The following SORCS2 variants were observed in gnomAD, a reference collection of about 807,000 sequenced individuals.
SORCS2 encodes the protein sortilin related VPS10 domain containing receptor 2, also known as VPS10 domain-containing receptor SorCS2.
SORCS2 carries 100 observed loss-of-function variants against 141.6 expected under a neutral mutation model. The ratio of observed to expected loss-of-function variants is 0.71; its 90% CI spans 0.60 to 0.83. The LOEUF is 0.83. SORCS2 is among the 40% of genes least tolerant of loss of function. SORCS2 has a pLI of 0.00. For missense variants in SORCS2, 1,646 were observed against 1,560.2 expected (o/e 1.05, Z -0.93); for synonymous variants, 789 against 676.9 (o/e 1.17, Z -2.57).
At chr4:7,501,565 T>C (rs1731978042) in intron 2 of SORCS2, among the ~76,000 whole-genome samples, 1 of 152,192 alleles carries the variant, frequency 6.6e-6, no homozygotes, top group African/African-American at 2.4e-5. Flanking sequence ...CTTTGCTTCA[T>C]GCCAAATACA....
chr4:7,550,878 C>CAA (rs1236512720), intron 3 of SORCS2, among the ~76,000 whole-genome samples: 2 of 152,196 alleles, frequency 1.3e-5, no homozygotes, highest in Non-Finnish European at 2.9e-5. Context: ...CTGTCTCACC[C>CAA]GCTCATCTGC....
intron 2 of SORCS2, among the ~76,000 whole-genome samples, chr4:7,504,593 T>G (rs770873358): frequency 6.6e-6 from 1 of 152,230 alleles, no homozygotes; most frequent in African/African-American, 2.4e-5. Flanking sequence ...CATCTGGCTC[T>G]GGACCCCAGG....
intron 3 of SORCS2, among the ~76,000 whole-genome samples, chr4:7,583,322 A>G (rs1716288400): frequency 6.6e-6 from 1 of 152,100 alleles, no homozygotes; most frequent in African/African-American, 2.4e-5. Context: ...TGCTCCAGAA[A>G]AGACCTTAAG....
intron 3 of SORCS2, among the ~76,000 whole-genome samples, chr4:7,547,697 G>T (rs571794110): frequency 2.0e-5 from 3 of 152,284 alleles, no homozygotes; most frequent in Admixed American, 2.0e-4. Flanking sequence ...CCAGTCACGG[G>T]ATCTCTGCTC....
intron 1 of SORCS2, among the ~76,000 whole-genome samples, chr4:7,328,316 A>G (rs1719417455): frequency 6.6e-6 from 1 of 151,626 alleles, no homozygotes; most frequent in Non-Finnish European, 1.5e-5. Context: ...GTTTACAGGC[A>G]TGAGCCACCG....
At chr4:7,447,911 C>T (rs534881297) in intron 2 of SORCS2, among the ~76,000 whole-genome samples, 57 of 152,150 alleles carry the variant, frequency 3.7e-4, no homozygotes, top group Admixed American at 1.5e-3. Context: ...CCCCTCCCTC[C>T]GCCCCTAGAT....
intron 2 of SORCS2, among the ~76,000 whole-genome samples, chr4:7,490,545 G>T (rs1731256621): frequency 6.6e-6 from 1 of 152,182 alleles, no homozygotes; most frequent in South Asian, 2.1e-4. Context: ...GGAGCTTAGA[G>T]ACCACCTTTC....
chr4:7,614,191 T>A (rs1718605200), intron 3 of SORCS2, among the ~76,000 whole-genome samples: 1 of 150,098 alleles, frequency 6.7e-6, no homozygotes, highest in Admixed American at 6.6e-5. Context: ...AATCCATTCA[T>A]CCATCCACCT....
At chr4:7,610,991 C>A (rs1298560250) in intron 3 of SORCS2, among the ~76,000 whole-genome samples, 1 of 152,198 alleles carries the variant, frequency 6.6e-6, no homozygotes, top group Non-Finnish European at 1.5e-5. Flanking sequence ...CTCCCGCACG[C>A]GTGCAGACAC....
At chr4:7,719,681 G>C (rs544058182) in intron 18 of SORCS2, among the ~76,000 whole-genome samples, 1 of 152,192 alleles carries the variant, frequency 6.6e-6, no homozygotes, top group African/African-American at 2.4e-5. Context: ...GTCCCGCTTG[G>C]ACCCTCAGAG....
At chr4:7,707,790 GA>G in intron 14 of SORCS2, among the ~76,000 whole-genome samples, 1 of 152,338 alleles carries the variant, frequency 6.6e-6, no homozygotes, top group South Asian at 2.1e-4. Flanking sequence ...CTGTGAGGAT[GA>G]CACAGGGGTG....
At chr4:7,672,609 C>T (rs780496055) in intron 8 of SORCS2, among the ~76,000 whole-genome samples, 1 of 151,650 alleles carries the variant, frequency 6.6e-6, no homozygotes, top group Non-Finnish European at 1.5e-5. Flanking sequence ...TGTAGATACC[C>T]TTTCTACCTG....
intron 1 of SORCS2, among the ~76,000 whole-genome samples, chr4:7,379,750 G>C (rs1009991212): frequency 2.6e-5 from 4 of 152,148 alleles, no homozygotes; most frequent in Admixed American, 2.0e-4. Context: ...GAAATATGTT[G>C]CTTTGTTTGT....
chr4:7,731,988 A>C (rs1365515093), intron 23 of SORCS2, among the ~76,000 whole-genome samples: 1 of 152,256 alleles, frequency 6.6e-6, no homozygotes, highest in Non-Finnish European at 1.5e-5. Flanking sequence ...CAGCCAGAGA[A>C]ACAATCAGTG....
intron 2 of SORCS2, among the ~76,000 whole-genome samples, chr4:7,509,636 A>T (rs1732491377): frequency 6.6e-6 from 1 of 152,222 alleles, no homozygotes; most frequent in Non-Finnish European, 1.5e-5. Context: ...ACCAGGAAGA[A>T]GGGGCCTTGT....
Position 7,738,102 on chromosome 4 carries a change from G to C in SORCS2, c.3415+930G>C, listed in dbSNP as rs554147249. On this transcript the variant is annotated intron_variant, in intron 26 of 26. Transcript: ENST00000507866. Reference sequence around the variant, plus strand: ...CTTGCCCTGTCCATGTTTGAGGGGAGGGGACACGGACTGCATCCCTCAGCC... The same window carrying C: ...CTTGCCCTGTCCATGTTTGAGGGGACGGGACACGGACTGCATCCCTCAGCC... Among the ~76,000 whole-genome samples, 843 of 152,366 alleles carry C rather than the reference G, an allele frequency of 5.5e-3. 5 individuals are homozygous for C. Among genetic ancestry groups the C allele is most frequent in the African/African-American group, 0.02 (813 of 41,596 alleles).
intron 2 of SORCS2, among the ~76,000 whole-genome samples, chr4:7,463,105 T>A (rs1206950120): frequency 6.6e-6 from 1 of 152,066 alleles, no homozygotes; most frequent in Non-Finnish European, 1.5e-5. Context: ...GTGAGGAAAC[T>A]GAGTCACTGT....
At chr4:7,630,164 T>TGGTG (rs767148079) in intron 3 of SORCS2, among the ~76,000 whole-genome samples, 4 of 152,132 alleles carry the variant, frequency 2.6e-5, no homozygotes, top group East Asian at 3.9e-4. Context: ...TGTGAGGGTG[T>TGGTG]GGTGGGCCTC....
chr4:7,539,894 A>C (rs1248181817), intron 3 of SORCS2, among the ~76,000 whole-genome samples: 110 of 58,478 alleles, frequency 1.9e-3, no homozygotes, highest in African/African-American at 2.7e-3. Flanking sequence ...TGTGGGGGCC[A>C]CGCCCACTCC....
Sources: gnomAD v4.1 joint callset for allele counts (sites outside exome capture counted in the v4.1 genomes callset) on GRCh38, gnomAD v4.1.1 for gene constraint, MANE v1.5 for transcripts, NCBI Gene and HGNC (gene_info 2026-07-23, HGNC 2026-07-21) for gene names.